EGFLAM: variants seen among roughly 807,000 people sequenced by gnomAD.
EGFLAM encodes EGF like, fibronectin type III and laminin G domains, also known as pikachurin.
A neutral mutation model predicts 113.1 loss-of-function variants in EGFLAM; 79 were observed. The observed-to-expected ratio is 0.70, with a 90% confidence interval of 0.58 to 0.84. The LOEUF (loss-of-function observed/expected upper bound fraction) is 0.84, where lower values mean the gene tolerates loss of function less well. Ranked by LOEUF, EGFLAM falls within the 40% of genes least tolerant of loss-of-function variation. The pLI, the probability that EGFLAM is intolerant of heterozygous loss-of-function variation, is 0.00. For missense variants in EGFLAM, 1,265 were observed against 1,291.6 expected (o/e 0.98, Z 0.32); for synonymous variants, 504 against 487.6 (o/e 1.03, Z -0.44).
At chr5:38,428,415 G>A (rs979975084) in intron 14 of EGFLAM, among the ~76,000 whole-genome samples, 3 of 152,192 alleles carry the variant, frequency 2.0e-5, no homozygotes, top group Non-Finnish European at 2.9e-5. Flanking sequence ...CTAGGGGAAC[G>A]GACAAATATT....
At chr5:38,445,488 G>T (rs1318253916) in intron 17 of EGFLAM, 2 of 1,471,782 alleles carry the variant, frequency 1.4e-6, no homozygotes, top group Non-Finnish European at 1.8e-6. Flanking sequence ...ATCATGCTGA[G>T]GAGAGATTTC....
chr5:38,293,556 G>A (rs1307400101), intron 1 of EGFLAM, among the ~76,000 whole-genome samples: 6 of 152,112 alleles, frequency 3.9e-5, no homozygotes, highest in Admixed American at 2.0e-4. Context: ...CACACAAAAT[G>A]TGAAAACATA....
At chr5:38,337,379 T>C (rs1334903359) in intron 1 of EGFLAM, 141 bp from the exon 2 acceptor site, 6 of 761,630 alleles carry the variant, frequency 7.9e-6, no homozygotes, top group Non-Finnish European at 1.2e-5. Context: ...AGGTGTGGTG[T>C]ATCAGAAATT....
intron 3 of EGFLAM, among the ~76,000 whole-genome samples, chr5:38,343,484 G>A (rs368050471): frequency 2.3e-4 from 35 of 151,846 alleles, no homozygotes; most frequent in African/African-American, 7.0e-4. Flanking sequence ...CCTCCTGGGC[G>A]TTTTGGTAGA....
At position 38,411,483 on chromosome 5, in the gene EGFLAM, C is replaced by CT. The variant is rs759299989; in HGVS notation, c.1350-1000dup. 5.7e-3 allele frequency among the ~76,000 whole-genome samples: 643 copies of CT among 113,396 alleles called. 2 individuals carry two copies. The highest frequency in any genetic ancestry group is 7.9e-3 in the South Asian group (26 of 3,294). 74.4% of individuals were successfully genotyped at this position (113,396 alleles called of 152,430 possible). A position where few individuals can be genotyped will look rare whatever the true frequency, so the allele number is the denominator to read the frequency against. On this transcript the variant is annotated intron_variant, in intron 10 of 21. Coordinates refer to ENST00000322350, the MANE Select transcript of EGFLAM (RefSeq NM_152403.4). ...ATTAGCTACTACCTTTCATTAATTT[C>CT]TTTTTTTTTTTTTTTTTTTTTGAGA...
At chr5:38,438,221 G>A in intron 16 of EGFLAM, 54 bp from the exon 17 acceptor site, 1 of 1,551,532 alleles carries the variant, frequency 6.4e-7, no homozygotes, top group Non-Finnish European at 8.7e-7. Context: ...AGCTTTAGAA[G>A]ACTACAAAGA....
At chr5:38,445,309 C>G (rs1742670329) in intron 17 of EGFLAM, among the ~76,000 whole-genome samples, 1 of 152,158 alleles carries the variant, frequency 6.6e-6, no homozygotes, top group South Asian at 2.1e-4. Flanking sequence ...GTAAGTAACT[C>G]TTGAGCAAGG....
intron 1 of EGFLAM, among the ~76,000 whole-genome samples, chr5:38,336,199 T>G (rs1045220609): frequency 1.6e-4 from 24 of 152,198 alleles, no homozygotes; most frequent in African/African-American, 5.8e-4. Flanking sequence ...ACTATATATA[T>G]ACTAAGTGAA....
intron 6 of EGFLAM, among the ~76,000 whole-genome samples, chr5:38,379,649 GCCA>G (rs1561057164): frequency 2.0e-5 from 3 of 151,796 alleles, no homozygotes; most frequent in Admixed American, 1.3e-4. Context: ...GAAGCAATCA[GCCA>G]CAGCAAAGCG....
At chr5:38,458,490 C>A in intron 20 of EGFLAM, 96 bp downstream of exon 20, 1 of 1,219,048 alleles carries the variant, frequency 8.2e-7, no homozygotes, top group Non-Finnish European at 1.1e-6. Context: ...TGTTCCCCAA[C>A]TTTGCCTGGC....
At chr5:38,278,151 C>T (rs1351438852) in intron 1 of EGFLAM, among the ~76,000 whole-genome samples, 1 of 152,210 alleles carries the variant, frequency 6.6e-6, no homozygotes, top group Non-Finnish European at 1.5e-5. Flanking sequence ...CACTAAAAAG[C>T]TATAGTAATG....
chr5:38,449,584 A>G (rs975020761), intron 18 of EGFLAM, among the ~76,000 whole-genome samples: 7 of 152,088 alleles, frequency 4.6e-5, no homozygotes, highest in Admixed American at 2.0e-4. Context: ...TTGGGGGAGT[A>G]GAGGGGCTTG....
intron 1 of EGFLAM, among the ~76,000 whole-genome samples, chr5:38,321,539 G>A (rs114030666): frequency 0.011 from 1,731 of 152,200 alleles, 35 homozygotes; most frequent in African/African-American, 0.037. Context: ...GTGGTTTTGC[G>A]CCTTTACCTT....
At chr5:38,333,051 T>C (rs1739086796) in intron 1 of EGFLAM, among the ~76,000 whole-genome samples, 1 of 152,174 alleles carries the variant, frequency 6.6e-6, no homozygotes, top group African/African-American at 2.4e-5. Flanking sequence ...GAACATAGGG[T>C]AGTTGGTTTT....
At chr5:38,458,894 C>T (rs961824057) in intron 20 of EGFLAM, among the ~76,000 whole-genome samples, 3 of 151,946 alleles carry the variant, frequency 2.0e-5, no homozygotes, top group East Asian at 1.9e-4. Flanking sequence ...GGTGGGAGGA[C>T]CGCTTAAGCC....
At chr5:38,365,427 T>C (rs1436076432) in intron 5 of EGFLAM, among the ~76,000 whole-genome samples, 1 of 152,192 alleles carries the variant, frequency 6.6e-6, no homozygotes, top group African/African-American at 2.4e-5. Context: ...TGAACAGGCT[T>C]CATTTGCCAT....
intron 6 of EGFLAM, among the ~76,000 whole-genome samples, chr5:38,372,141 C>T (rs1249083048): frequency 6.6e-6 from 1 of 151,480 alleles, no homozygotes; most frequent in Non-Finnish European, 1.5e-5. Flanking sequence ...TCTCATACTG[C>T]TCCTTTTTTT....
chr5:38,300,677 A>G (rs1758555290), intron 1 of EGFLAM, among the ~76,000 whole-genome samples: 1 of 152,144 alleles, frequency 6.6e-6, no homozygotes, highest in African/African-American at 2.4e-5. Flanking sequence ...GCCCGGCCAT[A>G]TTTTTCATTT....
At chr5:38,451,660 C>T in intron 19 of EGFLAM, 2 of 680,816 alleles carry the variant, frequency 2.9e-6, no homozygotes, top group Non-Finnish European at 2.3e-6. Flanking sequence ...CTATGGCCTG[C>T]AGGCCAAATC....
Sources: allele counts gnomAD v4.1 joint callset (sites outside exome capture counted in the v4.1 genomes callset), GRCh38; gene constraint gnomAD v4.1.1; transcripts MANE v1.5; gene names NCBI Gene and HGNC (gene_info 2026-07-23, HGNC 2026-07-21).